Variants in IFT80 observed in about 807,000 individuals in gnomAD.
The protein encoded by IFT80 is intraflagellar transport 80.
In IFT80, 79 loss-of-function variants were observed where a neutral mutation model predicts 107.9. The observed-to-expected ratio is 0.73, with a 90% CI of 0.61 to 0.88. The LOEUF (loss-of-function observed/expected upper bound fraction) is 0.88, where lower values mean the gene tolerates loss of function less well. Ranked by LOEUF, IFT80 falls within the 40% of genes least tolerant of loss-of-function variation. The pLI, the probability that IFT80 is intolerant of heterozygous loss-of-function variation, is 0.00. For synonymous variants in IFT80, 299 were observed against 300.9 expected (o/e 0.99, Z 0.07); for missense variants, 797 against 914.2 (o/e 0.87, Z 1.65).
intron 8 of IFT80, among the ~76,000 whole-genome samples, chr3:160,348,827 G>A (rs1450651745): frequency 6.6e-6 from 1 of 152,064 alleles, no homozygotes; most frequent in Non-Finnish European, 1.5e-5. Context: ...AGTCACAAAA[G>A]GCCACATAAT....
intron 1 of IFT80, among the ~76,000 whole-genome samples, chr3:160,395,330 G>A (rs1713692723): frequency 6.6e-6 from 1 of 152,208 alleles, no homozygotes; most frequent in African/African-American, 2.4e-5. Flanking sequence ...GATAAAGTAT[G>A]TAAAGTGTCC....
At chr3:160,351,182 A>T (rs1720672676) in intron 8 of IFT80, among the ~76,000 whole-genome samples, 1 of 151,962 alleles carries the variant, frequency 6.6e-6, no homozygotes, top group Non-Finnish European at 1.5e-5. Context: ...TTATACAGAT[A>T]TATACTAATA....
chr3:160,260,431 C>T (rs1345396253), intron 19 of IFT80, among the ~76,000 whole-genome samples: 1 of 152,188 alleles, frequency 6.6e-6, no homozygotes, highest in Non-Finnish European at 1.5e-5. Context: ...GACTTACATA[C>T]ATTTCTCAAA....
intron 19 of IFT80, among the ~76,000 whole-genome samples, chr3:160,260,228 T>C (rs1265826264): frequency 6.6e-6 from 1 of 152,204 alleles, no homozygotes; most frequent in African/African-American, 2.4e-5. Flanking sequence ...AAGACAAATG[T>C]CTGTGCTAAG....
At chr3:160,387,415 A>G (rs567424040) in intron 1 of IFT80, among the ~76,000 whole-genome samples, 1 of 152,298 alleles carries the variant, frequency 6.6e-6, no homozygotes, top group East Asian at 1.9e-4. Context: ...GAGGCAGGAG[A>G]ATAGCTTGAA....
At chr3:160,298,120 C>T (rs1716132824) in intron 12 of IFT80, among the ~76,000 whole-genome samples, 1 of 151,974 alleles carries the variant, frequency 6.6e-6, no homozygotes, top group Admixed American at 6.6e-5. Flanking sequence ...TCAAACCCAC[C>T]CAAGATCTAT....
intron 8 of IFT80, among the ~76,000 whole-genome samples, chr3:160,320,764 C>CAT (rs1718151572): frequency 6.6e-6 from 1 of 151,506 alleles, no homozygotes; most frequent in Middle Eastern, 3.2e-3. Context: ...GATATATATA[C>CAT]ATATATATAT....
chr3:160,385,062 A>C (rs1262742170), intron 1 of IFT80, among the ~76,000 whole-genome samples: 2 of 152,246 alleles, frequency 1.3e-5, no homozygotes, highest in African/African-American at 2.4e-5. Context: ...ATGTGGAAAA[A>C]TACAACATCA....
chr3:160,312,550 G>A (rs1487117994), intron 9 of IFT80, among the ~76,000 whole-genome samples: 2 of 117,268 alleles, frequency 1.7e-5, no homozygotes, highest in African/African-American at 6.5e-5. Flanking sequence ...TCTTTATCTT[G>A]TGTTTGAGTC....
intron 4 of IFT80, among the ~76,000 whole-genome samples, chr3:160,376,879 C>G (rs1362846332): frequency 6.6e-6 from 1 of 152,178 alleles, no homozygotes; most frequent in Non-Finnish European, 1.5e-5. Flanking sequence ...GATCCTCCAG[C>G]CCCAGACAAG....
intron 12 of IFT80, among the ~76,000 whole-genome samples, chr3:160,295,465 C>T (rs1715901233): frequency 6.6e-6 from 1 of 151,834 alleles, no homozygotes; most frequent in Non-Finnish European, 1.5e-5. Flanking sequence ...ATTAACTGGA[C>T]ATAGAGGTGC....
chr3:160,353,904 G>A (rs1463385919), intron 8 of IFT80, among the ~76,000 whole-genome samples: 2 of 151,956 alleles, frequency 1.3e-5, no homozygotes, highest in Non-Finnish European at 2.9e-5. Context: ...TAAATAAAAC[G>A]ACTAGATGCC....
At chr3:160,278,077 G>A (rs1423029540) in intron 16 of IFT80, among the ~76,000 whole-genome samples, 2 of 152,322 alleles carry the variant, frequency 1.3e-5, no homozygotes, top group African/African-American at 4.8e-5. Context: ...TAGGCAGATA[G>A]TGAGGGTACA....
At chr3:160,362,662 C>T (rs1001580630) in intron 6 of IFT80, among the ~76,000 whole-genome samples, 2 of 152,154 alleles carry the variant, frequency 1.3e-5, no homozygotes, top group Admixed American at 1.3e-4. Context: ...CATCAAAAAG[C>T]TTATCCACCA....
intron 2 of IFT80, chr3:160,383,911 TGCTAGATCACACTA>T: frequency 1.0e-6 from 1 of 985,458 alleles, no homozygotes; most frequent in South Asian, 4.7e-5. Context: ...AATGAATACA[TGCTAGATCACACTA>T]GCAAAGAAAC....
At chr3:160,306,001 TA>T (rs966975585) in intron 10 of IFT80, among the ~76,000 whole-genome samples, 12 of 152,194 alleles carry the variant, frequency 7.9e-5, no homozygotes, top group African/African-American at 2.9e-4. Flanking sequence ...AGTAGATTTT[TA>T]AAACTTTATG....
Position 160,356,092 on chromosome 3 carries a change from G to C in IFT80, c.698C>G (p.Thr233Ser). The C allele has an allele frequency of 6.2e-7, 1 of 1,614,164 alleles. No individual in the cohort carries two copies. Among genetic ancestry groups the C allele is most frequent in the Middle Eastern group, 1.6e-4 (1 of 6,062 alleles). ...TCCATCTGGAGCCCAGGCAACTGAA[G>C]TAATGGGATGCTCATGAGGTTGTGA... ...YNSQPHEHPI[T>S]SVAWAPDGEL... is the part of the protein sequence containing the mutation. Residue 233 changes from threonine to serine, a missense_variant, in exon 8 of 20, where the codon ACT (threonine) becomes AGT (serine). Coordinates refer to ENST00000326448, the MANE Select transcript of IFT80 (RefSeq NM_020800.3).
At chr3:160,298,575 G>T (rs1373193324) in intron 12 of IFT80, among the ~76,000 whole-genome samples, 2 of 151,470 alleles carry the variant, frequency 1.3e-5, no homozygotes, top group African/African-American at 4.9e-5. Context: ...TTCCAGATGT[G>T]AATTAACTCC....
At chr3:160,299,174 G>A in intron 12 of IFT80, 1 of 989,150 alleles carries the variant, frequency 1.0e-6, no homozygotes, top group Non-Finnish European at 1.2e-6. Context: ...AATTCTGTCT[G>A]CCATCTGGAT....
Sources: gnomAD v4.1 joint callset for allele counts (sites outside exome capture counted in the v4.1 genomes callset) on GRCh38, gnomAD v4.1.1 for gene constraint, MANE v1.5 for transcripts, NCBI Gene and HGNC (gene_info 2026-07-23, HGNC 2026-07-21) for gene names.